Variants in TIMP3 observed in about 807,000 individuals in gnomAD.
TIMP3 encodes the protein metalloproteinase inhibitor 3.
TIMP3 carries 11 observed loss-of-function variants against 30.0 expected under a neutral mutation model. That is an observed-to-expected ratio of 0.37 (90% CI 0.23 to 0.61). TIMP3 has a LOEUF of 0.61. Ranked by LOEUF, TIMP3 falls within the 20% of genes least tolerant of loss-of-function variation. TIMP3 has a pLI of 0.70. For synonymous variants in TIMP3, 112 were observed against 111.3 expected, an observed-to-expected ratio of 1.01 and a Z score of -0.04; for missense variants, 181 against 276.8, an observed-to-expected ratio of 0.65 and a Z score of 2.45.
At position 32,824,572 on chromosome 22, in the gene TIMP3, A is replaced by G. The variant is rs192989766; in HGVS notation, c.121+22450A>G. On this transcript the variant is annotated intron_variant, in intron 1 of 4. Transcript: ENST00000266085. ...GTGTATATATGTATATATTTTTTGC[A>G]TAATTAAATAATATATATATGTCAT... is the stretch of plus-strand genomic sequence containing the variant. Among the ~76,000 whole-genome samples, 29 of 152,250 alleles carry G rather than the reference A, an allele frequency of 1.9e-4. No individual in the cohort carries two copies. The East Asian group carries it at 3.9e-3, about 20-fold the overall frequency.
chr22:32,820,100 G>A (rs1263022496), intron 1 of TIMP3, among the ~76,000 whole-genome samples: 1 of 152,084 alleles, frequency 6.6e-6, no homozygotes, highest in Non-Finnish European at 1.5e-5. Context: ...AAGGTGGAGT[G>A]TAGGTGTCGT....
intron 1 of TIMP3, among the ~76,000 whole-genome samples, chr22:32,823,977 T>C (rs930259380): frequency 1.2e-4 from 18 of 152,246 alleles, no homozygotes; most frequent in African/African-American, 4.3e-4. Context: ...AACCCTTACA[T>C]TCCTGTAAAA....
At chr22:32,845,851 C>T (rs1279423029) in intron 1 of TIMP3, among the ~76,000 whole-genome samples, 2 of 152,216 alleles carry the variant, frequency 1.3e-5, no homozygotes, top group Non-Finnish European at 2.9e-5. Context: ...TCCCTTGTTC[C>T]CTGTGGCCCC....
At chr22:32,846,604 G>T (rs2048070651) in intron 1 of TIMP3, among the ~76,000 whole-genome samples, 1 of 152,174 alleles carries the variant, frequency 6.6e-6, no homozygotes, top group African/African-American at 2.4e-5. Context: ...GGAAACCAAG[G>T]CATAGAGAGG....
chr22:32,850,100 T>A (rs952428557), intron 2 of TIMP3, among the ~76,000 whole-genome samples: 3 of 149,964 alleles, frequency 2.0e-5, no homozygotes, highest in African/African-American at 7.4e-5. Flanking sequence ...TCTTCTTGCA[T>A]CCTAGATAGT....
rs755124131 is a variant in TIMP3, at chr22:32,801,979, C to T, written c.-23C>T. 1.3e-6 allele frequency: 2 copies of T among 1,579,976 alleles called. No individual in the cohort carries two copies. Among genetic ancestry groups the T allele is most frequent in the Non-Finnish European group, 8.5e-7 (1 of 1,170,444 alleles). Reference sequence around the variant, plus strand: ...ACTTTGGAGAGGCGAGCAGCAGCCCCGGCAGCGGCGGCAGCAGCGGCAATG... The same window carrying T: ...ACTTTGGAGAGGCGAGCAGCAGCCCTGGCAGCGGCGGCAGCAGCGGCAATG... On this transcript the variant is annotated 5_prime_UTR_variant, in exon 1 of 5. Transcript: ENST00000266085. The surrounding 1 kb of genome is among the most constrained non-coding windows in gnomAD (Gnocchi z 4.7).
chr22:32,848,989 G>A (rs2048145407), intron 1 of TIMP3, among the ~76,000 whole-genome samples: 2 of 152,186 alleles, frequency 1.3e-5, no homozygotes, highest in Admixed American at 6.5e-5. Flanking sequence ...ATGTCAAGAT[G>A]TGGTGAATTA....
chr22:32,808,943 T>C (rs1300066717), intron 1 of TIMP3, among the ~76,000 whole-genome samples: 1 of 152,192 alleles, frequency 6.6e-6, no homozygotes, highest in East Asian at 1.9e-4. Flanking sequence ...CCCACTATGC[T>C]CTCTGCATTA....
chr22:32,812,239 A>T (rs1022305163), intron 1 of TIMP3, among the ~76,000 whole-genome samples: 20 of 152,212 alleles, frequency 1.3e-4, no homozygotes, highest in African/African-American at 4.6e-4. Context: ...CAGCACCTAA[A>T]TCTGTCAACC....
At chr22:32,857,155 C>T in intron 2 of TIMP3, 94 bp from the exon 3 acceptor site, 1 of 966,350 alleles carries the variant, frequency 1.0e-6, no homozygotes, top group Non-Finnish European at 1.7e-6. Flanking sequence ...TTCCGATTTC[C>T]TTTCCTTTGG....
At chr22:32,814,366 A>AAGAAAGG (rs2047033818) in intron 1 of TIMP3, among the ~76,000 whole-genome samples, 1 of 89,676 alleles carries the variant, frequency 1.1e-5, no homozygotes, top group Non-Finnish European at 2.5e-5. Flanking sequence ...AGAAAGAAAG[A>AAGAAAGG]AAGAAAGAGA....
At chr22:32,813,486 TACACACACACACACACACACACACACAC>T (rs130277) in intron 1 of TIMP3, among the ~76,000 whole-genome samples, 1 of 138,186 alleles carries the variant, frequency 7.2e-6, no homozygotes, top group Non-Finnish European at 1.6e-5. Flanking sequence ...TCTGAAAAGA[TACACACACACACACACACACACACACAC>T]ACACACACAC....
At chr22:32,840,249 A>G (rs1171421733) in intron 1 of TIMP3, among the ~76,000 whole-genome samples, 1 of 152,216 alleles carries the variant, frequency 6.6e-6, no homozygotes, top group Admixed American at 6.5e-5. Flanking sequence ...ACCTGCTTAA[A>G]TAAAACCAAG....
At chr22:32,822,929 CAAA>C (rs367976058) in intron 1 of TIMP3, among the ~76,000 whole-genome samples, 20 of 25,374 alleles carry the variant, frequency 7.9e-4, no homozygotes, top group South Asian at 4.6e-3. Context: ...ACAACAACAA[CAAA>C]AAAAAAACAG....
intron 1 of TIMP3, among the ~76,000 whole-genome samples, chr22:32,830,468 T>C (rs750434340): frequency 9.2e-5 from 14 of 152,196 alleles, no homozygotes; most frequent in Non-Finnish European, 1.6e-4. Flanking sequence ...CAAGTGCTCA[T>C]GTCTTTGCCC....
intron 1 of TIMP3, among the ~76,000 whole-genome samples, chr22:32,831,847 AC>A (rs932818932): frequency 1.2e-4 from 18 of 151,050 alleles, no homozygotes; most frequent in Admixed American, 5.3e-4. Context: ...ATGTCACTGC[AC>A]CCCCCCCAAC....
chr22:32,831,011 A>G (rs555201247), intron 1 of TIMP3, among the ~76,000 whole-genome samples: 64 of 152,308 alleles, frequency 4.2e-4, no homozygotes, highest in African/African-American at 1.5e-3. Flanking sequence ...CATGAAGGTA[A>G]AAATATTGAC....
chr22:32,809,576 G>A (rs990910952), intron 1 of TIMP3, among the ~76,000 whole-genome samples: 2 of 151,974 alleles, frequency 1.3e-5, no homozygotes, highest in Non-Finnish European at 2.9e-5. Flanking sequence ...TCTGTGTTTG[G>A]AACAGTTATC....
chr22:32,802,039 G>T lies in TIMP3; in HGVS notation c.38G>T (p.Ser13Ile). 1 of 1,576,354 alleles carries T rather than the reference G, an allele frequency of 6.3e-7. No individual in the cohort carries two copies. ...CTCGGGCTCATCGTGCTCCTGGGCAGCTGGAGCCTGGGGGACTGGGGCGCC... is the reference window on the plus strand; with the variant it reads ...CTCGGGCTCATCGTGCTCCTGGGCATCTGGAGCCTGGGGGACTGGGGCGCC... Reference protein sequence around the residue: ...PWLGLIVLLGSWSLGDWGAEA... With the variant: ...PWLGLIVLLGIWSLGDWGAEA... The change falls in exon 1 of 5, where the codon AGC (serine) becomes ATC (isoleucine). Residue 13 changes from serine (S) to isoleucine (I), a missense_variant. Transcript: ENST00000266085.
Sources: gnomAD v4.1 joint callset for allele counts (sites outside exome capture counted in the v4.1 genomes callset) on GRCh38, gnomAD v4.1.1 for gene constraint, Gnocchi (gnomAD v3.1) non-coding constraint, MANE v1.5 for transcripts, NCBI Gene and HGNC (gene_info 2026-07-23, HGNC 2026-07-21) for gene names.